Variants in TMCC1 observed in about 807,000 individuals in gnomAD.
TMCC1 encodes the protein transmembrane and coiled-coil domain family 1.
In TMCC1, 15 loss-of-function variants were observed where a neutral mutation model predicts 52.4. That is an observed-to-expected ratio of 0.29 (90% confidence interval 0.19 to 0.44). TMCC1 has a LOEUF of 0.44. Among genes scored for constraint, TMCC1 ranks in the 20% least tolerant of loss-of-function variants. TMCC1 has a pLI of 1.00. For synonymous variants in TMCC1, 279 were observed against 301.9 expected (o/e 0.92, Z 0.79); for missense variants, 503 against 806.0 (o/e 0.62, Z 4.55).
chr3:129,835,178 T>G (rs2059100867), intron 2 of TMCC1, among the ~76,000 whole-genome samples: 1 of 152,224 alleles, frequency 6.6e-6, no homozygotes, highest in African/African-American at 2.4e-5. Context: ...CCTCTTTCCT[T>G]TGATCCTCTT....
intron 2 of TMCC1, among the ~76,000 whole-genome samples, chr3:129,872,647 G>A (rs951527701): frequency 1.2e-4 from 19 of 152,092 alleles, no homozygotes; most frequent in Non-Finnish European, 2.4e-4. Flanking sequence ...GAGATGAGGC[G>A]CCATGATGCA....
At chr3:129,671,825 C>G (rs2087971084) in intron 4 of TMCC1, among the ~76,000 whole-genome samples, 1 of 152,212 alleles carries the variant, frequency 6.6e-6, no homozygotes, top group Non-Finnish European at 1.5e-5. Flanking sequence ...ATGGATCATT[C>G]TATATATTCT....
chr3:129,743,367 T>G (rs148353992), intron 4 of TMCC1, among the ~76,000 whole-genome samples: 1 of 152,248 alleles, frequency 6.6e-6, no homozygotes, highest in Non-Finnish European at 1.5e-5. Context: ...AACTAAGAAT[T>G]CTAGAGGGAT....
chr3:129,816,240 C>A (rs1192117609), intron 4 of TMCC1, among the ~76,000 whole-genome samples: 5 of 151,996 alleles, frequency 3.3e-5, no homozygotes, highest in Non-Finnish European at 7.4e-5. Flanking sequence ...GGTATATAGC[C>A]AAAAGAAAAG....
chr3:129,879,319 G>A (rs2061360091), intron 2 of TMCC1, among the ~76,000 whole-genome samples: 1 of 152,090 alleles, frequency 6.6e-6, no homozygotes, highest in African/African-American at 2.4e-5. Flanking sequence ...GCATATGCCT[G>A]CAGTCCCAGC....
At chr3:129,872,570 T>A (rs2060980463) in intron 2 of TMCC1, among the ~76,000 whole-genome samples, 1 of 152,230 alleles carries the variant, frequency 6.6e-6, no homozygotes, top group Middle Eastern at 3.2e-3. Flanking sequence ...AATGACAGCA[T>A]CTTCCCAGTA....
At chr3:129,761,627 C>G (rs1236496035) in intron 4 of TMCC1, among the ~76,000 whole-genome samples, 1 of 152,096 alleles carries the variant, frequency 6.6e-6, no homozygotes, top group Admixed American at 6.6e-5. Flanking sequence ...CCTGTGCTTC[C>G]TATTTCCCAC....
At chr3:129,743,878 T>TA (rs927793469) in intron 4 of TMCC1, among the ~76,000 whole-genome samples, 4 of 151,776 alleles carry the variant, frequency 2.6e-5, no homozygotes, top group African/African-American at 9.7e-5. Flanking sequence ...CACTGTTTTT[T>TA]AAAAAAATCA....
rs539900454 is a variant in TMCC1, at chr3:129,732,172, A to G, written c.577-60908T>C. Among the ~76,000 whole-genome samples, 73 of 152,328 alleles carry G rather than the reference A, an allele frequency of 4.8e-4. 2 individuals are homozygous for G. The South Asian group carries it at 8.7e-3, about 18-fold the overall frequency. ...TGGTTTTCTACATATACAGTGATGT[A>G]GCCAGTGAATAGAAATTGTTTTACT... On this transcript the variant is annotated intron_variant, in intron 4 of 6. Coordinates refer to ENST00000393238, the MANE Select transcript of TMCC1 (RefSeq NM_001017395.5).
intron 4 of TMCC1, among the ~76,000 whole-genome samples, chr3:129,674,732 T>C (rs143368110): frequency 1.2e-3 from 188 of 152,366 alleles, no homozygotes; most frequent in Admixed American, 4.3e-3. Context: ...CATTAATACT[T>C]AGCACTTAGC....
At chr3:129,880,757 TAGGG>T (rs1265136233) in intron 1 of TMCC1, among the ~76,000 whole-genome samples, 198 bp from the exon 2 acceptor site, 1 of 152,044 alleles carries the variant, frequency 6.6e-6, no homozygotes, top group African/African-American at 2.4e-5. Context: ...ACTTTCCAAC[TAGGG>T]ATGCTCAACT....
chr3:129,889,258 G>C (rs1014686267), intron 1 of TMCC1, among the ~76,000 whole-genome samples: 8 of 152,076 alleles, frequency 5.3e-5, no homozygotes, highest in Non-Finnish European at 1.2e-4. Flanking sequence ...GGTGACAGAG[G>C]GAGATCCTGT....
intron 4 of TMCC1, among the ~76,000 whole-genome samples, chr3:129,779,898 G>A (rs886274574): frequency 1.3e-5 from 2 of 152,100 alleles, no homozygotes; most frequent in African/African-American, 4.8e-5. Context: ...AGCAGTACAA[G>A]AGACAGATAA....
intron 2 of TMCC1, among the ~76,000 whole-genome samples, chr3:129,854,931 G>A (rs1444972134): frequency 6.6e-6 from 1 of 152,172 alleles, no homozygotes; most frequent in Non-Finnish European, 1.5e-5. Context: ...ATAATATCCT[G>A]TTGCCTAGGT....
chr3:129,771,620 C>CAA (rs2054579095), intron 4 of TMCC1, among the ~76,000 whole-genome samples: 1 of 151,256 alleles, frequency 6.6e-6, no homozygotes, highest in Admixed American at 6.6e-5. Context: ...ACAAAAAATA[C>CAA]AAAAATAAGC....
At chr3:129,803,125 G>A (rs1302061507) in intron 4 of TMCC1, among the ~76,000 whole-genome samples, 6 of 152,174 alleles carry the variant, frequency 3.9e-5, no homozygotes, top group Non-Finnish European at 8.8e-5. Flanking sequence ...GAGCCCTCAT[G>A]ACATAATCAT....
intron 2 of TMCC1, among the ~76,000 whole-genome samples, chr3:129,867,792 A>C (rs2060722774): frequency 6.6e-6 from 1 of 152,382 alleles, no homozygotes; most frequent in African/African-American, 2.4e-5. Context: ...AAATAAGACC[A>C]GAATAAACTG....
chr3:129,865,968 T>C (rs1321404636), intron 2 of TMCC1, among the ~76,000 whole-genome samples: 4 of 152,138 alleles, frequency 2.6e-5, no homozygotes, highest in Non-Finnish European at 5.9e-5. Context: ...ATGTGCAGAT[T>C]TGAGTGTCAT....
At chr3:129,788,961 T>G (rs2056251861) in intron 4 of TMCC1, among the ~76,000 whole-genome samples, 1 of 152,172 alleles carries the variant, frequency 6.6e-6, no homozygotes. Flanking sequence ...GGTTAATGAT[T>G]AACAAGAAGA....
Sources: gnomAD v4.1 joint callset for allele counts (sites outside exome capture counted in the v4.1 genomes callset) on GRCh38, gnomAD v4.1.1 for gene constraint, MANE v1.5 for transcripts, NCBI Gene and HGNC (gene_info 2026-07-23, HGNC 2026-07-21) for gene names.